AGBL4: variants seen among roughly 807,000 people sequenced by gnomAD.
AGBL4 encodes the protein cytosolic carboxypeptidase 6.
Under a neutral mutation model 66.4 loss-of-function variants are expected in AGBL4, and 58 were observed. That is an observed-to-expected ratio of 0.87 (90% CI 0.71 to 1.09). The LOEUF is 1.09. Among genes scored for constraint, AGBL4 ranks in the 50% least tolerant of loss-of-function variants. The pLI is 0.00. For synonymous variants in AGBL4, 234 were observed against 222.9 expected, an observed-to-expected ratio of 1.05 and a Z score of -0.44; for missense variants, 579 against 631.0, an observed-to-expected ratio of 0.92 and a Z score of 0.88.
At chr1:49,855,739 C>A (rs540733152) in intron 1 of AGBL4, among the ~76,000 whole-genome samples, 6 of 152,086 alleles carry the variant, frequency 3.9e-5, no homozygotes, top group Non-Finnish European at 5.9e-5. Context: ...CAAAAACCTA[C>A]GTGATAAAGC....
Position 48,784,067 on chromosome 1 carries a change from C to G in AGBL4, c.634+83124G>C, listed in dbSNP as rs367991096. Among the ~76,000 whole-genome samples, 31 of 152,214 alleles carry G rather than the reference C, an allele frequency of 2.0e-4. 1 individual carries two copies. The highest frequency in any genetic ancestry group is 7.5e-4 in the African/African-American group (31 of 41,528). ...CAAATCCTGGTCTGATAAGTAACGT[C>G]TATTCTTATGGTGTGGCCTTGGGTA... is the stretch of plus-strand genomic sequence containing the variant. On this transcript the variant is annotated intron_variant, in intron 6 of 13. Coordinates refer to ENST00000371839, the MANE Select transcript of AGBL4 (RefSeq NM_032785.4).
chr1:48,878,065 A>C (rs1277514786), intron 5 of AGBL4, among the ~76,000 whole-genome samples: 1 of 152,134 alleles, frequency 6.6e-6, no homozygotes, highest in Non-Finnish European at 1.5e-5. Flanking sequence ...ACAATACAAA[A>C]TTTTCTTTTT....
chr1:49,260,650 A>G (rs1320327380), intron 3 of AGBL4, among the ~76,000 whole-genome samples: 2 of 152,176 alleles, frequency 1.3e-5, no homozygotes, highest in Non-Finnish European at 2.9e-5. Context: ...AGGCTCTGAA[A>G]TTGTGGCAAA....
intron 5 of AGBL4, among the ~76,000 whole-genome samples, chr1:49,022,705 T>C (rs904148617): frequency 1.3e-5 from 2 of 152,176 alleles, no homozygotes; most frequent in Admixed American, 6.5e-5. Context: ...CTTGGCAAAA[T>C]AGATGGGTCC....
rs114495092 is a variant in AGBL4 at position 48,842,593 on chromosome 1, T to A, written c.634+24598A>T. ...TTTCACAGGGAAGAAAAGAGAACCA[T>A]AAAGCAAAGTGGAATGGTGGTTCCT... On this transcript the variant is annotated intron_variant, in intron 6 of 13. Coordinates refer to ENST00000371839, the MANE Select transcript of AGBL4 (RefSeq NM_032785.4). 7.3e-4 allele frequency among the ~76,000 whole-genome samples: 111 copies of A among 152,194 alleles called. 1 individual carries two copies. Among genetic ancestry groups the A allele is most frequent in the African/African-American group, 2.4e-3 (101 of 41,534 alleles).
intron 1 of AGBL4, among the ~76,000 whole-genome samples, chr1:49,887,152 T>TATATATATAC (rs68005185): frequency 1.4e-5 from 2 of 145,970 alleles, no homozygotes; most frequent in African/African-American, 2.5e-5. Flanking sequence ...TATATATATA[T>TATATATATAC]ACATTGTGTG....
the AGBL4 span, among the ~76,000 whole-genome samples, chr1:48,527,655 A>G: frequency 6.6e-6 from 1 of 152,030 alleles, no homozygotes; most frequent in African/African-American, 2.4e-5. Flanking sequence ...CCGAGAAAAG[A>G]AAGCAATTAA....
chr1:49,088,404 T>C (rs1328512494), intron 4 of AGBL4, among the ~76,000 whole-genome samples: 2 of 152,062 alleles, frequency 1.3e-5, no homozygotes, highest in Non-Finnish European at 2.9e-5. Context: ...AAGGAAAATC[T>C]ATCAAGCAAA....
intron 2 of AGBL4, among the ~76,000 whole-genome samples, chr1:49,811,420 T>C (rs1645100762): frequency 6.6e-6 from 1 of 152,160 alleles, no homozygotes; most frequent in Non-Finnish European, 1.5e-5. Flanking sequence ...GAGAATGGCT[T>C]TCTTGGGTAC....
intron 2 of AGBL4, among the ~76,000 whole-genome samples, chr1:49,770,667 G>T (rs1644029492): frequency 6.6e-6 from 1 of 152,058 alleles, no homozygotes; most frequent in Non-Finnish European, 1.5e-5. Flanking sequence ...TCATCAAGAT[G>T]TTTTATTACT....
intron 3 of AGBL4, among the ~76,000 whole-genome samples, chr1:49,346,022 T>A (rs1645627207): frequency 6.6e-6 from 1 of 152,234 alleles, no homozygotes; most frequent in East Asian, 1.9e-4. Context: ...TGATGGAACT[T>A]CGTTCCATCA....
At chr1:48,765,839 T>C (rs902592856) in intron 6 of AGBL4, among the ~76,000 whole-genome samples, 4 of 152,232 alleles carry the variant, frequency 2.6e-5, no homozygotes, top group Non-Finnish European at 5.9e-5. Flanking sequence ...TGATTTCATT[T>C]ATATGAAATG....
chr1:49,601,521 C>T (rs574348825), intron 3 of AGBL4, among the ~76,000 whole-genome samples: 32 of 152,132 alleles, frequency 2.1e-4, no homozygotes, highest in South Asian at 8.3e-4. Flanking sequence ...ACCAATGAAA[C>T]GGAACAGAGA....
chr1:48,837,984 T>A (rs12401937), intron 6 of AGBL4, among the ~76,000 whole-genome samples: 74,247 of 151,514 alleles, frequency 0.49, 21,029 homozygotes, highest in Non-Finnish European at 0.65. Flanking sequence ...GTGAGGATAA[T>A]GTACCAAAGA....
At chr1:48,574,018 C>G (rs556694409) in intron 11 of AGBL4, among the ~76,000 whole-genome samples, 18 of 152,190 alleles carry the variant, frequency 1.2e-4, no homozygotes, top group Non-Finnish European at 2.6e-4. Context: ...GATTTGAACC[C>G]AGGTCAGCCT....
At chr1:49,524,708 A>T (rs1273035120) in intron 3 of AGBL4, among the ~76,000 whole-genome samples, 3 of 151,768 alleles carry the variant, frequency 2.0e-5, no homozygotes, top group Non-Finnish European at 4.4e-5. Context: ...GAAACTTCAA[A>T]TTTTCTTTAA....
At position 49,708,100 on chromosome 1, in the gene AGBL4, T is replaced by C. The variant is rs371343333; in HGVS notation, c.158-10663A>G. Among the ~76,000 whole-genome samples, 212 of 152,254 alleles carry C rather than the reference T, an allele frequency of 1.4e-3. 1 individual carries two copies. The highest frequency in any genetic ancestry group is 4.8e-3 in the African/African-American group (198 of 41,560). The stretch of plus-strand genomic sequence containing the variant: ...TTTCCAGAATTTGAATGTTGACCTG[T>C]TTCACTAGGTTGGGGACGTTCTCCT... On this transcript the variant is annotated intron_variant, in intron 2 of 13. Transcript: ENST00000371839.
At chr1:48,918,508 A>G (rs1238848668) in intron 5 of AGBL4, among the ~76,000 whole-genome samples, 1 of 152,162 alleles carries the variant, frequency 6.6e-6, no homozygotes, top group Non-Finnish European at 1.5e-5. Context: ...ATGTGATGGC[A>G]TTATGAAGCA....
chr1:49,323,336 C>T (rs1290516304), intron 3 of AGBL4, among the ~76,000 whole-genome samples: 1 of 151,858 alleles, frequency 6.6e-6, no homozygotes, highest in African/African-American at 2.4e-5. Context: ...GGCTGGAGTG[C>T]AGTGGCACCA....
Sources: gnomAD v4.1 joint callset for allele counts (sites outside exome capture counted in the v4.1 genomes callset) on GRCh38, gnomAD v4.1.1 for gene constraint, MANE v1.5 for transcripts, NCBI Gene and HGNC (gene_info 2026-07-23, HGNC 2026-07-21) for gene names.